ROBO1: variants seen among roughly 807,000 people sequenced by gnomAD.
ROBO1 encodes roundabout homolog 1.
Under a neutral mutation model 195.9 loss-of-function variants are expected in ROBO1, and 149 were observed. The ratio of observed to expected loss-of-function variants is 0.76; its 90% CI spans 0.67 to 0.87. The LOEUF is 0.87. ROBO1 is among the 40% of genes least tolerant of loss of function. The pLI is 0.00. For synonymous variants in ROBO1, 816 were observed against 733.2 expected (o/e 1.11, Z -1.82); for missense variants, 1,933 against 2,068.3 (o/e 0.93, Z 1.27).
chr3:79,431,851 A>G (rs2038691653), intron 2 of ROBO1, among the ~76,000 whole-genome samples: 1 of 152,096 alleles, frequency 6.6e-6, no homozygotes, highest in Non-Finnish European at 1.5e-5. Flanking sequence ...GCAAAACTTT[A>G]TTAGCTAAAG....
chr3:78,898,574 A>G (rs921580891), intron 4 of ROBO1, among the ~76,000 whole-genome samples: 1 of 151,456 alleles, frequency 6.6e-6, no homozygotes, highest in Non-Finnish European at 1.5e-5. Flanking sequence ...ATTTTTCAGT[A>G]GAGACGGGGT....
chr3:78,982,754 G>A (rs1031885291), intron 3 of ROBO1, among the ~76,000 whole-genome samples: 2 of 151,802 alleles, frequency 1.3e-5, no homozygotes, highest in Admixed American at 6.6e-5. Context: ...TCAGCCTCCT[G>A]AACAGCTGGG....
intron 2 of ROBO1, among the ~76,000 whole-genome samples, chr3:79,388,066 C>G (rs562289933): frequency 6.6e-6 from 1 of 152,094 alleles, no homozygotes; most frequent in South Asian, 2.1e-4. Context: ...CTTGGTTAAG[C>G]TATTAAAAGA....
chr3:78,845,315 T>A (rs1043268651), intron 4 of ROBO1, among the ~76,000 whole-genome samples: 5 of 132,192 alleles, frequency 3.8e-5, no homozygotes, highest in Non-Finnish European at 8.3e-5. Context: ...TTAACATTTT[T>A]AAATTGTTTA....
intron 1 of ROBO1, among the ~76,000 whole-genome samples, chr3:79,638,080 A>G (rs1026277039): frequency 1.3e-5 from 2 of 152,212 alleles, no homozygotes; most frequent in Non-Finnish European, 2.9e-5. Flanking sequence ...AAACTTCAGA[A>G]AGTTCAATAG....
intron 3 of ROBO1, among the ~76,000 whole-genome samples, chr3:79,094,894 C>T (rs2079540661): frequency 7.3e-6 from 1 of 136,356 alleles, no homozygotes; most frequent in Non-Finnish European, 1.6e-5. Context: ...CTTCCCCTCA[C>T]CCTTCCTTCC....
Position 78,717,804 on chromosome 3 carries a change from A to G in ROBO1, c.737T>C (p.Val246Ala), listed in dbSNP as rs1346538291. 6.2e-7 allele frequency: 1 copy of G among 1,613,684 alleles called. No homozygotes were observed. The highest frequency in any genetic ancestry group is 8.5e-7 in the Non-Finnish European group (1 of 1,179,730). The change falls in exon 6 of 31, where the codon GTT becomes GCT. Residue 246 changes from valine (V) to alanine (A), a missense_variant. Physicochemically the swap from Val to Ala is moderately conservative, Grantham distance 64 (BLOSUM62 0). Coordinates refer to ENST00000464233, the MANE Select transcript of ROBO1 (RefSeq NM_002941.4). ...GKYVCVGTNMVGERESEVAEL... is the reference protein window; with the variant it reads ...GKYVCVGTNMAGERESEVAEL... Reference sequence around the variant, plus strand: ...GGCTACTTCACTCTCACGTTCCCCAACCATATTGGTACCAACACAAACATA... The same window carrying G: ...GGCTACTTCACTCTCACGTTCCCCAGCCATATTGGTACCAACACAAACATA...
chr3:78,685,933 T>C lies in ROBO1; in HGVS notation c.1171-16A>G, dbSNP rs767963204. The C allele has an allele frequency of 1.9e-6, 3 of 1,540,896 alleles. No individual in the cohort carries two copies. In the South Asian group the frequency reaches 3.6e-5, roughly 19 times the overall value. On this transcript the variant is annotated splice_polypyrimidine_tract_variant and intron_variant, in intron 9 of 30. Coordinates refer to ENST00000464233, the MANE Select transcript of ROBO1 (RefSeq NM_002941.4). ...AAAGTAGATTCTAGAACCCAGAAAT[T>C]GGGATGGAGGAAAATAAAAATAGGT...
intron 2 of ROBO1, among the ~76,000 whole-genome samples, chr3:79,166,977 T>A (rs895442820): frequency 2.0e-5 from 3 of 152,066 alleles, no homozygotes; most frequent in African/African-American, 4.8e-5. Flanking sequence ...CTATTCACTA[T>A]GCCTGAGGCG....
At chr3:78,701,680 A>G (rs2081424294) in intron 8 of ROBO1, among the ~76,000 whole-genome samples, 2 of 152,198 alleles carry the variant, frequency 1.3e-5, no homozygotes, top group Non-Finnish European at 2.9e-5. Flanking sequence ...TGAAATGACT[A>G]TTTCACCATC....
intron 1 of ROBO1, among the ~76,000 whole-genome samples, chr3:79,700,083 G>T (rs902130519): frequency 6.6e-6 from 1 of 151,602 alleles, no homozygotes; most frequent in South Asian, 2.1e-4. Flanking sequence ...GAAAACATGC[G>T]GTATTTGATT....
chr3:79,056,922 A>G (rs2078820401), intron 3 of ROBO1, among the ~76,000 whole-genome samples: 2 of 152,102 alleles, frequency 1.3e-5, no homozygotes, highest in Non-Finnish European at 2.9e-5. Context: ...TCAGTGTAGA[A>G]TACTTAAAAT....
Position 78,606,809 on chromosome 3 carries a change from C to T in ROBO1, c.4668G>A (p.Gln1556=), listed in dbSNP as rs879661285. Residue 1556 remains glutamine (Q), a synonymous_variant, in exon 29 of 31, where the codon CAG becomes CAA. Transcript: ENST00000464233. ...NPGDPREAQE[Q]QNDGKGRGNK... Reference sequence around the variant, plus strand: ...TTCCACGTCCTTTCCCGTCATTTTGCTGTTCCTGTGCTTCTCTGGGATCAC... The same window carrying T: ...TTCCACGTCCTTTCCCGTCATTTTGTTGTTCCTGTGCTTCTCTGGGATCAC... 1 of 1,613,804 alleles carries T rather than the reference C, an allele frequency of 6.2e-7. No individual in the cohort carries two copies. Among genetic ancestry groups the T allele is most frequent in the Admixed American group, 1.7e-5 (1 of 59,992 alleles).
intron 2 of ROBO1, among the ~76,000 whole-genome samples, chr3:79,222,860 C>A (rs2082164457): frequency 1.3e-5 from 2 of 152,004 alleles, no homozygotes; most frequent in South Asian, 2.1e-4. Context: ...AACAAACAAA[C>A]AAAAACAAGA....
chr3:78,613,996 G>A (rs2107355148), intron 28 of ROBO1, among the ~76,000 whole-genome samples: 1 of 152,284 alleles, frequency 6.6e-6, no homozygotes, highest in African/African-American at 2.4e-5. Flanking sequence ...CTGTGGGGTT[G>A]TTTTATAAAA....
rs749368211 is a variant in ROBO1 at position 78,627,436 on chromosome 3, A to T, written c.3760T>A (p.Ser1254Thr). Residue 1254 changes from serine (S) to threonine (T), a missense_variant, in exon 26 of 31, where the codon TCC (serine) becomes ACC (threonine). Ser to Thr is a moderately conservative substitution (Grantham distance 58, BLOSUM62 1). Transcript: ENST00000464233. ...GTGGCAGTGGACTGATGGCTATAGG[A>T]CACGGCAGCTGGAGAAGAAGCTGCT... Reference protein sequence around the residue: ...RGAASSPAAVSYSHQSTATLT... With the variant: ...RGAASSPAAVTYSHQSTATLT... 6.2e-7 allele frequency: 1 copy of T among 1,613,064 alleles called. No homozygotes were observed. The highest frequency in any genetic ancestry group is 8.5e-7 in the Non-Finnish European group (1 of 1,179,586).
Position 79,291,694 on chromosome 3 carries a change from T to A in ROBO1, c.89-166155A>T, listed in dbSNP as rs553283645. Among the ~76,000 whole-genome samples, 3 of 152,324 alleles carry A rather than the reference T, an allele frequency of 2.0e-5. No individual in the cohort carries two copies. In the East Asian group the frequency reaches 5.8e-4, roughly 29 times the overall value. ...TTGCAGGTTGTAAATAGATTATTGTTATATAAATCCTTGTGAATTCTGGTT... is the reference window on the plus strand; with the variant it reads ...TTGCAGGTTGTAAATAGATTATTGTAATATAAATCCTTGTGAATTCTGGTT... On this transcript the variant is annotated intron_variant, in intron 2 of 30. Transcript: ENST00000464233.
intron 1 of ROBO1, among the ~76,000 whole-genome samples, chr3:79,690,164 C>A (rs1331354495): frequency 6.6e-6 from 1 of 151,854 alleles, no homozygotes; most frequent in African/African-American, 2.4e-5. Context: ...ATATCTGTGT[C>A]CTCATCCACA....
At chr3:79,215,927 G>C (rs1387222011) in intron 2 of ROBO1, among the ~76,000 whole-genome samples, 3 of 151,992 alleles carry the variant, frequency 2.0e-5, no homozygotes, top group East Asian at 3.9e-4. Flanking sequence ...TAGGGAGAAA[G>C]TGCTGTTTTG....
Sources: gnomAD v4.1 joint callset for allele counts (sites outside exome capture counted in the v4.1 genomes callset) on GRCh38, gnomAD v4.1.1 for gene constraint, MANE v1.5 for transcripts, NCBI Gene and HGNC (gene_info 2026-07-23, HGNC 2026-07-21) for gene names.